Variants in ZNF423 observed in about 807,000 individuals in gnomAD.
The protein encoded by ZNF423 is zinc finger protein 423.
Under a neutral mutation model 95.8 loss-of-function variants are expected in ZNF423, and 12 were observed. The observed-to-expected ratio is 0.13, with a 90% CI of 0.08 to 0.20. ZNF423 has a LOEUF of 0.20. Ranked by LOEUF, ZNF423 falls within the 10% of genes least tolerant of loss-of-function variation. ZNF423 has a pLI of 1.00. For synonymous variants in ZNF423, 749 were observed against 711.9 expected, an observed-to-expected ratio of 1.05 and a Z score of -0.83; for missense variants, 1,316 against 1,737.1, an observed-to-expected ratio of 0.76 and a Z score of 4.31.
chr16:49,704,154 C>T lies in ZNF423; in HGVS notation c.301+26617G>A, dbSNP rs151073753. ...GAGGGCAGTCTTAGCCCCTCTGGAA[C>T]ACCCTGGCTGTGCCATAGCCAGAGG... On this transcript the variant is annotated intron_variant, in intron 3 of 7. Coordinates refer to ENST00000563137, the MANE Select transcript of ZNF423 (RefSeq NM_001379286.1). 5.1e-4 allele frequency among the ~76,000 whole-genome samples: 78 copies of T among 152,226 alleles called. 1 individual carries two copies. The East Asian group carries it at 0.015, about 30-fold the overall frequency.
At chr16:49,689,245 C>A (rs1025900269) in intron 3 of ZNF423, among the ~76,000 whole-genome samples, 1 of 148,970 alleles carries the variant, frequency 6.7e-6, no homozygotes, top group Non-Finnish European at 1.5e-5. Flanking sequence ...AGTTCCAGAC[C>A]AGCCTGGGCA....
At position 49,564,794 on chromosome 16, in the gene ZNF423, GC is replaced by G. The variant is rs367680010; in HGVS notation, c.3602-39301del. ...GCACAAGGAGGGGGTGCTGTGCCCA[GC>G]CCTTGGTCCCCCGCCAGCAACAGCC... On this transcript the variant is annotated intron_variant, in intron 5 of 7. Coordinates refer to ENST00000563137, the MANE Select transcript of ZNF423 (RefSeq NM_001379286.1). Among the ~76,000 whole-genome samples the G allele has an allele frequency of 8.2e-3, 1,254 of 152,326 alleles. 8 individuals are homozygous for G. The highest frequency in any genetic ancestry group is 0.018 in the South Asian group (87 of 4,824).
intron 3 of ZNF423, chr16:49,711,445 C>A (rs1340676963): frequency 6.6e-6 from 1 of 152,136 alleles, no homozygotes; most frequent in East Asian, 1.9e-4. Flanking sequence ...AAGCAAGTTG[C>A]AGAATGATAG....
intron 3 of ZNF423, 118 bp downstream of exon 3, chr16:49,730,653 G>T: frequency 2.7e-6 from 3 of 1,096,402 alleles, no homozygotes; most frequent in East Asian, 2.6e-5. Context: ...ACAATAAAAT[G>T]ACATTAACTG....
intron 3 of ZNF423, among the ~76,000 whole-genome samples, chr16:49,700,183 G>C (rs2032121937): frequency 9.5e-6 from 1 of 104,938 alleles, no homozygotes; most frequent in Non-Finnish European, 1.9e-5. Flanking sequence ...AGGAAAAAGA[G>C]GCCCAGGATT....
chr16:49,663,371 C>T (rs142694836), intron 3 of ZNF423, among the ~76,000 whole-genome samples: 1 of 152,292 alleles, frequency 6.6e-6, no homozygotes, highest in East Asian at 1.9e-4. Flanking sequence ...GAGAAACACC[C>T]GATTACCACT....
chr16:49,579,176 G>A (rs925381436), intron 5 of ZNF423, among the ~76,000 whole-genome samples: 4 of 152,110 alleles, frequency 2.6e-5, no homozygotes, highest in African/African-American at 9.7e-5. Context: ...TCGAAGCTGG[G>A]CACTGGGAAT....
At chr16:49,854,592 C>G (rs2035337590) in intron 1 of ZNF423, 4 of 985,436 alleles carry the variant, frequency 4.1e-6, no homozygotes, top group Non-Finnish European at 4.8e-6. Context: ...CATCGTTCCC[C>G]CCTTCCTCGA....
At chr16:49,698,738 C>T (rs1348505592) in intron 3 of ZNF423, among the ~76,000 whole-genome samples, 13 of 152,256 alleles carry the variant, frequency 8.5e-5, no homozygotes, top group Admixed American at 7.2e-4. Flanking sequence ...TCATTACCAG[C>T]CAGGGTACCC....
At chr16:49,686,257 A>T (rs2031558181) in intron 3 of ZNF423, among the ~76,000 whole-genome samples, 1 of 152,168 alleles carries the variant, frequency 6.6e-6, no homozygotes, top group African/African-American at 2.4e-5. Flanking sequence ...AATTCATATT[A>T]ATTATGAAAG....
At chr16:49,710,604 A>C (rs2032513212) in intron 3 of ZNF423, among the ~76,000 whole-genome samples, 1 of 152,126 alleles carries the variant, frequency 6.6e-6, no homozygotes, top group Non-Finnish European at 1.5e-5. Flanking sequence ...ATGGCACAGC[A>C]CCTCTGTGCA....
At chr16:49,801,851 G>T (rs1242864825) in intron 1 of ZNF423, among the ~76,000 whole-genome samples, 2 of 152,152 alleles carry the variant, frequency 1.3e-5, no homozygotes, top group East Asian at 3.9e-4. Flanking sequence ...GCCAGGACTG[G>T]ATTTTTATTT....
intron 2 of ZNF423, among the ~76,000 whole-genome samples, chr16:49,762,717 C>A (rs1015733327): frequency 6.6e-6 from 1 of 152,180 alleles, no homozygotes; most frequent in African/African-American, 2.4e-5. Flanking sequence ...CACTACCTTC[C>A]GCTCTCGGGA....
At position 49,500,511 on chromosome 16, in the gene ZNF423, C is replaced by A. The variant is rs555182666; in HGVS notation, c.3850-9207G>T. ...CTGCCCTAAAAGAGCCTGAATCAGACCCCTAAAAGATGGGGCCCCAATCTG... is the reference window on the plus strand; with the variant it reads ...CTGCCCTAAAAGAGCCTGAATCAGAACCCTAAAAGATGGGGCCCCAATCTG... On this transcript the variant is annotated intron_variant, in intron 7 of 7. Transcript: ENST00000563137. 4.6e-5 allele frequency among the ~76,000 whole-genome samples: 7 copies of A among 152,254 alleles called. No homozygotes were observed. In the South Asian group the frequency reaches 1.5e-3, roughly 32 times the overall value.
In ZNF423 at chr16:49,637,176, A is replaced by G; in HGVS notation, c.2000T>C (p.Leu667Pro). The change falls in exon 4 of 8, where the codon CTG (leucine) becomes CCG (proline). Residue 667 changes from leucine to proline, a missense_variant. Coordinates refer to ENST00000563137, the MANE Select transcript of ZNF423 (RefSeq NM_001379286.1). This position sits in a 1 kb window ranked among gnomAD's most constrained non-coding sequence, Gnocchi z 5.6. ...GCACTGGGGGCACGCTTGCTTCCGCAGCAGCAGCTCCAGGTGCAGCTTCAG... is the reference window on the plus strand; with the variant it reads ...GCACTGGGGGCACGCTTGCTTCCGCGGCAGCAGCTCCAGGTGCAGCTTCAG... ...THLKLHLELLLRKQACPQCKE... is the reference protein window; with the variant it reads ...THLKLHLELLPRKQACPQCKE... The G allele has an allele frequency of 6.2e-7, 1 of 1,613,842 alleles. No homozygotes were observed. The highest frequency in any genetic ancestry group is 8.5e-7 in the Non-Finnish European group (1 of 1,180,050).
intron 5 of ZNF423, among the ~76,000 whole-genome samples, chr16:49,537,480 T>C (rs1180550947): frequency 2.6e-5 from 4 of 152,182 alleles, no homozygotes; most frequent in African/African-American, 9.7e-5. Context: ...AAATTGGAAA[T>C]TCAAACGCAA....
intron 1 of ZNF423, among the ~76,000 whole-genome samples, chr16:49,831,297 C>G (rs2035058649): frequency 1.3e-5 from 2 of 152,244 alleles, no homozygotes; most frequent in African/African-American, 4.8e-5. Context: ...TTGTAAATCT[C>G]TCTTTACTTA....
chr16:49,790,643 C>A (rs1468605312), intron 1 of ZNF423, among the ~76,000 whole-genome samples: 1 of 152,248 alleles, frequency 6.6e-6, no homozygotes, highest in Admixed American at 6.5e-5. Context: ...AGCCACCTTG[C>A]GAGTGGAGCA....
intron 2 of ZNF423, among the ~76,000 whole-genome samples, chr16:49,748,379 GA>G (rs5816656): frequency 0.015 from 2,359 of 152,284 alleles, 47 homozygotes; most frequent in African/African-American, 0.053. Context: ...CCAATTTTCT[GA>G]CCCTCCTGTG....
Sources: gnomAD v4.1 joint callset for allele counts (sites outside exome capture counted in the v4.1 genomes callset) on GRCh38, gnomAD v4.1.1 for gene constraint, Gnocchi (gnomAD v3.1) non-coding constraint, MANE v1.5 for transcripts, NCBI Gene and HGNC (gene_info 2026-07-23, HGNC 2026-07-21) for gene names.